TG: variants seen among roughly 807,000 people sequenced by gnomAD.
TG encodes thyroglobulin, also known as thyroid hormones.
TG carries 270 observed loss-of-function variants against 324.7 expected under a neutral mutation model. The observed-to-expected ratio is 0.83, with a 90% CI of 0.75 to 0.92. The LOEUF is 0.92. Ranked by LOEUF, TG falls within the 40% of genes least tolerant of loss-of-function variation. The probability of loss-of-function intolerance (pLI) is 0.00; values close to 1 mark genes in which losing one functional copy is unlikely to be tolerated. For missense variants in TG, 3,591 were observed against 3,456.4 expected (o/e 1.04, Z -0.98); for synonymous variants, 1,401 against 1,327.0 (o/e 1.06, Z -1.21).
At chr8:132,880,478 T>C (rs189646212) in intron 5 of TG, among the ~76,000 whole-genome samples, 6 of 152,312 alleles carry the variant, frequency 3.9e-5, no homozygotes, top group Admixed American at 1.3e-4. Context: ...TCCCTATTAG[T>C]GGCAACTAAG....
Position 133,133,592 on chromosome 8 carries a change from G to T in TG, c.8120G>T (p.Arg2707Leu). ...YKEFSELLPN[R>L]QGLKKADCSF... The stretch of plus-strand genomic sequence containing the variant: ...GAGTTCAGTGAGCTGCTCCCCAATC[G>T]ACAGGGCCTGAAGAAAGCCGACTGC... Residue 2707 changes from arginine (R) to leucine (L), a missense_variant, in exon 47 of 48, where the codon CGA becomes CTA. Transcript: ENST00000220616. 1.9e-6 allele frequency: 3 copies of T among 1,614,192 alleles called. No individual in the cohort carries two copies. Among genetic ancestry groups the T allele is most frequent in the South Asian group, 1.1e-5 (1 of 91,086 alleles).
chr8:132,969,714 T>A, intron 32 of TG, 145 bp downstream of exon 32: 1 of 660,940 alleles, frequency 1.5e-6, no homozygotes, highest in Non-Finnish European at 2.7e-6. Flanking sequence ...AGATCAAGAC[T>A]ATCCTGACCA....
At chr8:132,923,565 G>A in intron 22 of TG, 57 bp downstream of exon 22, 1 of 1,559,316 alleles carries the variant, frequency 6.4e-7, no homozygotes, top group Middle Eastern at 1.9e-4. Flanking sequence ...GTAGTCTCAA[G>A]GGCTTTTTAG....
intron 45 of TG, among the ~76,000 whole-genome samples, chr8:133,119,800 G>C (rs573984617): frequency 6.6e-6 from 1 of 152,156 alleles, no homozygotes; most frequent in East Asian, 1.9e-4. Flanking sequence ...ACCCACCCGC[G>C]GCTTCTCTGA....
chr8:132,908,077 T>G, intron 17 of TG, 109 bp from the exon 18 acceptor site: 1 of 1,278,796 alleles, frequency 7.8e-7, no homozygotes, highest in Non-Finnish European at 1.1e-6. Context: ...GCAGTGCTTA[T>G]GTGTTTTGAG....
chr8:133,050,966 AG>A, intron 41 of TG: 1 of 1,004,224 alleles, frequency 1.0e-6, no homozygotes. Flanking sequence ...TTTATTCACA[AG>A]GAGCTTAAAG....
At chr8:132,948,998 G>A in intron 27 of TG, 55 bp downstream of exon 27, 1 of 1,528,366 alleles carries the variant, frequency 6.5e-7, no homozygotes, top group Non-Finnish European at 9.0e-7. Flanking sequence ...ACACGAGCAA[G>A]GCCCTCTGCT....
At chr8:133,042,336 A>T (rs1036271430) in intron 41 of TG, among the ~76,000 whole-genome samples, 1 of 152,104 alleles carries the variant, frequency 6.6e-6, no homozygotes, top group African/African-American at 2.4e-5. Flanking sequence ...AGGGTCCAAC[A>T]GCTCTATATT....
chr8:133,076,759 T>TAAAAAAAA (rs35056813), intron 41 of TG: 15 of 128,416 alleles, frequency 1.2e-4, no homozygotes, highest in African/African-American at 3.9e-4. Context: ...GATTTAGCTG[T>TAAAAAAAA]AAAAAAAAAA....
At chr8:133,014,562 T>C (rs926226516) in intron 37 of TG, among the ~76,000 whole-genome samples, 8 of 152,254 alleles carry the variant, frequency 5.3e-5, no homozygotes, top group African/African-American at 1.9e-4. Flanking sequence ...CTGTTAACAC[T>C]AATCAGCTGC....
chr8:132,867,142 G>A (rs953012901), intron 1 of TG, 75 bp downstream of exon 1: 15 of 1,287,674 alleles, frequency 1.2e-5, no homozygotes, highest in Admixed American at 7.9e-5. Context: ...CTGGGCCTTC[G>A]AACAGGTGCG....
At chr8:133,113,229 C>A (rs1418358998) in intron 43 of TG, among the ~76,000 whole-genome samples, 193 bp from the exon 44 acceptor site, 2 of 152,140 alleles carry the variant, frequency 1.3e-5, no homozygotes. Flanking sequence ...GAGGGATAGC[C>A]ATTTGCTTAA....
intron 5 of TG, among the ~76,000 whole-genome samples, chr8:132,880,062 G>A (rs1814435302): frequency 6.6e-6 from 1 of 152,234 alleles, no homozygotes. Flanking sequence ...AGAGCGAGGT[G>A]CTGGGCATAT....
chr8:132,897,877 G>T, intron 12 of TG, 91 bp downstream of exon 12: 3 of 1,484,106 alleles, frequency 2.0e-6, no homozygotes, highest in South Asian at 2.3e-5. Flanking sequence ...AAGTGAGCTG[G>T]ACTCTTAGGC....
At chr8:133,106,495 A>C in intron 43 of TG, 1 of 982,248 alleles carries the variant, frequency 1.0e-6, no homozygotes, top group Non-Finnish European at 1.2e-6. Flanking sequence ...AGGCTCTCCC[A>C]GCCACCCAGC....
intron 43 of TG, among the ~76,000 whole-genome samples, chr8:133,107,722 AC>A (rs770844922): frequency 3.3e-5 from 5 of 152,166 alleles, no homozygotes; most frequent in Non-Finnish European, 7.4e-5. Flanking sequence ...TCAAGGCTGC[AC>A]CCAATTAGTG....
intron 41 of TG, among the ~76,000 whole-genome samples, chr8:133,092,785 A>G (rs758396090): frequency 3.3e-4 from 50 of 152,192 alleles, no homozygotes; most frequent in Non-Finnish European, 6.6e-4. Context: ...CAAGTGCTTT[A>G]AAATGAAGGC....
chr8:132,915,547 G>A (rs1051597801), intron 20 of TG, among the ~76,000 whole-genome samples: 1 of 152,164 alleles, frequency 6.6e-6, no homozygotes, highest in African/African-American at 2.4e-5. Context: ...TGGGGCGTAG[G>A]GAAGAGACTG....
chr8:132,908,036 G>C (rs1818936122), intron 17 of TG, 150 bp from the exon 18 acceptor site: 2 of 891,912 alleles, frequency 2.2e-6, no homozygotes, highest in Non-Finnish European at 3.5e-6. Context: ...ATGCTGGAAA[G>C]TACTTAGACT....
Sources: allele counts gnomAD v4.1 joint callset (sites outside exome capture counted in the v4.1 genomes callset), GRCh38; gene constraint gnomAD v4.1.1; transcripts MANE v1.5; gene names NCBI Gene and HGNC (gene_info 2026-07-23, HGNC 2026-07-21).